Variants in PIP5K1B observed in about 807,000 individuals in gnomAD.
PIP5K1B encodes phosphatidylinositol-4-phosphate 5-kinase type 1 beta.
Under a neutral mutation model 67.0 loss-of-function variants are expected in PIP5K1B, and 42 were observed. The ratio of observed to expected loss-of-function variants is 0.63; its 90% CI spans 0.49 to 0.81. The LOEUF (loss-of-function observed/expected upper bound fraction) is 0.81. Ranked by LOEUF, PIP5K1B falls within the 30% of genes least tolerant of loss-of-function variation. The pLI is 0.00. For synonymous variants in PIP5K1B, 214 were observed against 231.4 expected, an observed-to-expected ratio of 0.92 and a Z score of 0.68; for missense variants, 459 against 646.3, an observed-to-expected ratio of 0.71 and a Z score of 3.14.
At chr9:68,797,685 T>C (rs1016225971) in intron 2 of PIP5K1B, among the ~76,000 whole-genome samples, 11 of 152,220 alleles carry the variant, frequency 7.2e-5, no homozygotes, top group African/African-American at 9.6e-5. Context: ...GCTTAGAAAT[T>C]ATGGCTACAG....
intron 14 of PIP5K1B, among the ~76,000 whole-genome samples, chr9:68,955,015 A>G (rs991792070): frequency 6.6e-6 from 1 of 152,262 alleles, no homozygotes; most frequent in Admixed American, 6.5e-5. Flanking sequence ...AATAGTCACA[A>G]TAGAAAGCAA....
In PIP5K1B at chr9:68,833,744, A is replaced by T. The variant is rs182764114; in HGVS notation, c.69+11061A>T. ...ATTGACTGGACGGGGCCATGGTTGGATGTGGGGGTGAGGGCATGGTAGGAA... is the reference window on the plus strand; with the variant it reads ...ATTGACTGGACGGGGCCATGGTTGGTTGTGGGGGTGAGGGCATGGTAGGAA... On this transcript the variant is annotated intron_variant, in intron 4 of 15. Transcript: ENST00000265382. Among the ~76,000 whole-genome samples the T allele has an allele frequency of 4.6e-4, 70 of 152,288 alleles. 2 individuals carry two copies. The East Asian group carries it at 5.8e-3, about 13-fold the overall frequency.
intron 2 of PIP5K1B, among the ~76,000 whole-genome samples, chr9:68,744,722 G>C (rs1177655524): frequency 1.3e-5 from 2 of 152,164 alleles, no homozygotes; most frequent in Non-Finnish European, 2.9e-5. Flanking sequence ...TGGGTGTTTA[G>C]AGTTGATTCT....
intron 1 of PIP5K1B, among the ~76,000 whole-genome samples, chr9:68,722,818 ATTC>A (rs1264069862): frequency 6.6e-6 from 1 of 152,082 alleles, no homozygotes; most frequent in Non-Finnish European, 1.5e-5. Context: ...GAACATTATA[ATTC>A]TTCTAGCTAT....
intron 14 of PIP5K1B, among the ~76,000 whole-genome samples, chr9:68,970,603 C>T (rs763550783): frequency 1.3e-5 from 2 of 152,202 alleles, no homozygotes; most frequent in South Asian, 2.1e-4. Flanking sequence ...ATTCCATACA[C>T]GATGGTGTGT....
intron 2 of PIP5K1B, among the ~76,000 whole-genome samples, chr9:68,795,908 G>A (rs1172770454): frequency 6.6e-6 from 1 of 152,128 alleles, no homozygotes; most frequent in Admixed American, 6.5e-5. Context: ...CATAAGATAT[G>A]TATTTTAATC....
intron 8 of PIP5K1B, among the ~76,000 whole-genome samples, chr9:68,901,020 T>A (rs1295765647): frequency 6.6e-6 from 1 of 152,256 alleles, no homozygotes; most frequent in African/African-American, 2.4e-5. Flanking sequence ...ACTTTTTACA[T>A]TTTGTTCAGA....
At chr9:68,980,277 C>T (rs576020136) in intron 14 of PIP5K1B, among the ~76,000 whole-genome samples, 8 of 152,212 alleles carry the variant, frequency 5.3e-5, no homozygotes, top group East Asian at 3.8e-4. Flanking sequence ...GCCTGGGTCA[C>T]GCTGGAATGG....
chr9:68,882,768 G>C (rs1220158386), intron 6 of PIP5K1B, among the ~76,000 whole-genome samples: 1 of 152,122 alleles, frequency 6.6e-6, no homozygotes, highest in Non-Finnish European at 1.5e-5. Context: ...GAGAGTCTAG[G>C]GTCTGCCTTT....
At chr9:68,989,805 C>T (rs915136859) in intron 14 of PIP5K1B, among the ~76,000 whole-genome samples, 3 of 152,068 alleles carry the variant, frequency 2.0e-5, no homozygotes, top group Admixed American at 1.3e-4. Flanking sequence ...CATGGTGAAA[C>T]CCCGTCTCTA....
At chr9:68,960,031 A>C (rs973234436) in intron 14 of PIP5K1B, among the ~76,000 whole-genome samples, 5 of 152,176 alleles carry the variant, frequency 3.3e-5, no homozygotes, top group African/African-American at 9.7e-5. Flanking sequence ...TTCTTGGTTT[A>C]GTCCTTTGTT....
At chr9:68,950,504 G>C (rs983582233) in intron 14 of PIP5K1B, among the ~76,000 whole-genome samples, 1 of 152,100 alleles carries the variant, frequency 6.6e-6, no homozygotes, top group African/African-American at 2.4e-5. Context: ...GCCTCTCTTC[G>C]AGACGTTTCC....
intron 8 of PIP5K1B, 24 bp from the exon 9 acceptor site, chr9:68,917,523 CT>C: frequency 6.3e-7 from 1 of 1,578,540 alleles, no homozygotes. Context: ...GGTTGACTGG[CT>C]TCCTGGTTCT....
At chr9:68,775,011 A>G (rs1830847080) in intron 2 of PIP5K1B, among the ~76,000 whole-genome samples, 1 of 152,154 alleles carries the variant, frequency 6.6e-6, no homozygotes, top group Non-Finnish European at 1.5e-5. Context: ...ATCCAAACCT[A>G]TTACCAAGTC....
intron 2 of PIP5K1B, chr9:68,780,704 C>T (rs752537837): frequency 2.5e-6 from 4 of 1,614,086 alleles, no homozygotes; most frequent in Middle Eastern, 1.6e-4. Context: ...GCCCAACGAC[C>T]CGATTTACCA....
At chr9:68,754,534 CTCTT>C (rs755694803) in intron 2 of PIP5K1B, among the ~76,000 whole-genome samples, 5 of 152,074 alleles carry the variant, frequency 3.3e-5, no homozygotes, top group South Asian at 4.1e-4. Flanking sequence ...TTTGTTTATA[CTCTT>C]TCTTTCTTTT....
Position 68,772,488 on chromosome 9 carries a change from C to G in PIP5K1B, c.-86+29831C>G, listed in dbSNP as rs976912462. Among the ~76,000 whole-genome samples the G allele has an allele frequency of 5.9e-5, 9 of 152,234 alleles. No homozygotes were observed. In the East Asian group the frequency reaches 1.7e-3, roughly 29 times the overall value. On this transcript the variant is annotated intron_variant, in intron 2 of 15. Coordinates refer to ENST00000265382, the MANE Select transcript of PIP5K1B (RefSeq NM_003558.4). The stretch of plus-strand genomic sequence containing the variant: ...TCCCAATTGAAAAGTTCAGCGCTAC[C>G]GGGGAGGGTAGCTGCTACTGTTGGG...
intron 12 of PIP5K1B, among the ~76,000 whole-genome samples, chr9:68,933,151 A>G (rs1453993842): frequency 1.3e-5 from 2 of 152,120 alleles, no homozygotes; most frequent in Non-Finnish European, 2.9e-5. Flanking sequence ...ATTGAAAGAC[A>G]GGAGTTTATT....
intron 1 of PIP5K1B, among the ~76,000 whole-genome samples, chr9:68,707,004 G>T (rs1233338689): frequency 6.6e-6 from 1 of 152,172 alleles, no homozygotes; most frequent in Non-Finnish European, 1.5e-5. Flanking sequence ...GTTCATGGAA[G>T]CTTTGCTAGA....
Sources: allele counts gnomAD v4.1 joint callset (sites outside exome capture counted in the v4.1 genomes callset), GRCh38; gene constraint gnomAD v4.1.1; transcripts MANE v1.5; gene names NCBI Gene and HGNC (gene_info 2026-07-23, HGNC 2026-07-21).